Variants in FCRL1 observed in about 807,000 individuals in gnomAD.
The protein encoded by FCRL1 is Fc receptor-like protein 1.
Under a neutral mutation model 49.2 loss-of-function variants are expected in FCRL1, and 34 were observed. That is an observed-to-expected ratio of 0.69 (90% CI 0.53 to 0.92). The LOEUF (loss-of-function observed/expected upper bound fraction) is 0.92. Among genes scored for constraint, FCRL1 ranks in the 40% least tolerant of loss-of-function variants. The probability of loss-of-function intolerance (pLI) is 0.00; values close to 1 mark genes in which losing one functional copy is unlikely to be tolerated. For synonymous variants in FCRL1, 218 were observed against 201.6 expected, an observed-to-expected ratio of 1.08 and a Z score of -0.69; for missense variants, 524 against 524.1, an observed-to-expected ratio of 1.00 and a Z score of 0.00.
chr1:157,794,480 C>T lies in FCRL1; in HGVS notation c.*1619G>A, dbSNP rs1415075046. ...GTAATACACCCCACAAACTGATTTC[C>T]CAGACGTTGTTGGTGAAGATATAAA... is the stretch of plus-strand genomic sequence containing the variant. On this transcript the variant is annotated 3_prime_UTR_variant, in exon 11 of 11. Transcript: ENST00000368176. 1.3e-5 allele frequency: 2 copies of T among 152,058 alleles called. No homozygotes were observed. Among genetic ancestry groups the T allele is most frequent in the African/African-American group, 2.4e-5 (1 of 41,376 alleles). 9.4% of individuals were successfully genotyped at this position (152,058 alleles called of 1,614,324 possible).
At chr1:157,802,234 T>A (rs1652634284) in intron 4 of FCRL1, 41 bp from the exon 5 acceptor site, 1 of 1,591,584 alleles carries the variant, frequency 6.3e-7, no homozygotes, top group Non-Finnish European at 8.6e-7. Context: ...TCTCTGACAA[T>A]GCAGCAAACT....
intron 1 of FCRL1, among the ~76,000 whole-genome samples, chr1:157,817,418 C>T (rs552703347): frequency 1.3e-5 from 2 of 151,914 alleles, no homozygotes; most frequent in African/African-American, 4.8e-5. Flanking sequence ...TAAGAATACA[C>T]GATGTGGAAA....
At chr1:157,797,660 TC>T in intron 9 of FCRL1, 1 of 1,311,470 alleles carries the variant, frequency 7.6e-7, no homozygotes, top group Non-Finnish European at 1.1e-6. Context: ...TGACAGCCCA[TC>T]CCCAGGGGAA....
intron 7 of FCRL1, among the ~76,000 whole-genome samples, chr1:157,799,149 C>T (rs1008402265): frequency 6.6e-6 from 1 of 152,064 alleles, no homozygotes; most frequent in East Asian, 1.9e-4. Flanking sequence ...TACAGGCGTG[C>T]ATCACCACGT....
Position 157,811,118 on chromosome 1 carries a change from A to G in FCRL1, c.32-3996T>C, listed in dbSNP as rs936378646. The stretch of plus-strand genomic sequence containing the variant: ...ATAAAGGGAAACAGAAAACTTGTGT[A>G]GTAAATGGAAGCCATATTTCTATTA... On this transcript the variant is annotated intron_variant, in intron 1 of 10. Coordinates refer to ENST00000368176, the MANE Select transcript of FCRL1 (RefSeq NM_052938.5). Among the ~76,000 whole-genome samples, 5 of 152,310 alleles carry G rather than the reference A, an allele frequency of 3.3e-5. No individual in the cohort carries two copies. The East Asian group carries it at 7.7e-4, about 24-fold the overall frequency.
intron 1 of FCRL1, among the ~76,000 whole-genome samples, 194 bp downstream of exon 1, chr1:157,819,813 T>C (rs1655545545): frequency 6.6e-6 from 1 of 152,154 alleles, no homozygotes; most frequent in South Asian, 2.1e-4. Flanking sequence ...AATGATAGTT[T>C]TCTTGAAAAC....
rs1200050824 is a variant in FCRL1, at chr1:157,796,061, T to G, written c.*38A>C. On this transcript the variant is annotated 3_prime_UTR_variant, in exon 11 of 11. Coordinates refer to ENST00000368176, the MANE Select transcript of FCRL1 (RefSeq NM_052938.5). ...AACATATCAGGCCTGAGGCTTGGGG[T>G]CATGGATGGTTTTCAAAGAGCAGAA... 5 of 1,560,648 alleles carry G rather than the reference T, an allele frequency of 3.2e-6. No individual in the cohort carries two copies. Among genetic ancestry groups the G allele is most frequent in the East Asian group, 2.2e-5 (1 of 44,678 alleles).
At chr1:157,807,152 A>G in intron 1 of FCRL1, 30 bp from the exon 2 acceptor site, 1 of 1,605,974 alleles carries the variant, frequency 6.2e-7, no homozygotes, top group Non-Finnish European at 8.5e-7. Context: ...AGATCAGTAC[A>G]GAGCAGCAAA....
intron 4 of FCRL1, 86 bp downstream of exon 4, chr1:157,802,291 A>G: frequency 6.3e-7 from 1 of 1,577,916 alleles, no homozygotes; most frequent in Non-Finnish European, 8.6e-7. Context: ...CTTCCTCAGC[A>G]TGCCCCAGGG....
rs1323433660 is a variant in FCRL1 at position 157,796,188 on chromosome 1, G to T, written c.1219-18C>A. On this transcript the variant is annotated intron_variant, in intron 10 of 10. Transcript: ENST00000368176. ...AAGGAAACCTGGAAGCAAAGATTAGGACTAGAGCAGGGAAGACAAGCAGAA... is the reference window on the plus strand; with the variant it reads ...AAGGAAACCTGGAAGCAAAGATTAGTACTAGAGCAGGGAAGACAAGCAGAA... The T allele has an allele frequency of 6.2e-7, 1 of 1,609,496 alleles. No homozygotes were observed. Among genetic ancestry groups the T allele is most frequent in the Non-Finnish European group, 8.5e-7 (1 of 1,175,928 alleles).
intron 2 of FCRL1, among the ~76,000 whole-genome samples, chr1:157,806,480 G>T (rs1488216446): frequency 5.3e-5 from 8 of 152,136 alleles, no homozygotes; most frequent in African/African-American, 1.4e-4. Flanking sequence ...TCCTTCTTTG[G>T]TAAAGGTAAG....
chr1:157,813,802 G>C (rs2101898324), intron 1 of FCRL1, among the ~76,000 whole-genome samples: 1 of 152,270 alleles, frequency 6.6e-6, no homozygotes, highest in South Asian at 2.1e-4. Flanking sequence ...TAATCAAATT[G>C]TTAAAGGTCA....
chr1:157,798,341 G>T, intron 7 of FCRL1, 98 bp from the exon 8 acceptor site: 3 of 1,024,536 alleles, frequency 2.9e-6, no homozygotes, highest in Non-Finnish European at 4.3e-6. Context: ...ATTGTCCTGA[G>T]CAGAATACTA....
At chr1:157,802,928 T>G (rs1323967168) in intron 3 of FCRL1, among the ~76,000 whole-genome samples, 3 of 152,160 alleles carry the variant, frequency 2.0e-5, no homozygotes, top group African/African-American at 4.8e-5. Flanking sequence ...TCTCTCAAAC[T>G]TTCATTTTTT....
At chr1:157,809,603 C>G (rs1012234854) in intron 1 of FCRL1, among the ~76,000 whole-genome samples, 4 of 152,086 alleles carry the variant, frequency 2.6e-5, no homozygotes, top group African/African-American at 9.7e-5. Context: ...CATGTGCCAG[C>G]CACCACACCC....
intron 1 of FCRL1, 128 bp from the exon 2 acceptor site, chr1:157,807,250 T>A: frequency 1.2e-6 from 1 of 850,488 alleles, no homozygotes; most frequent in South Asian, 2.1e-5. Flanking sequence ...ATCTCTCTCT[T>A]CCTCCCTCTT....
At chr1:157,808,795 G>T (rs1195112882) in intron 1 of FCRL1, among the ~76,000 whole-genome samples, 1 of 152,172 alleles carries the variant, frequency 6.6e-6, no homozygotes, top group South Asian at 2.1e-4. Context: ...ATATGAAGTG[G>T]TCAGACTTTA....
chr1:157,809,936 A>G (rs975032422), intron 1 of FCRL1, among the ~76,000 whole-genome samples: 1 of 152,184 alleles, frequency 6.6e-6, no homozygotes, highest in Non-Finnish European at 1.5e-5. Flanking sequence ...AAAAAATTAA[A>G]TAATTTAGCA....
intron 1 of FCRL1, among the ~76,000 whole-genome samples, chr1:157,809,616 C>G (rs1169796062): frequency 6.6e-6 from 1 of 152,034 alleles, no homozygotes; most frequent in African/African-American, 2.4e-5. Flanking sequence ...CCACACCCAG[C>G]TAATTTTGTA....
Sources: gnomAD v4.1 joint callset for allele counts (sites outside exome capture counted in the v4.1 genomes callset) on GRCh38, gnomAD v4.1.1 for gene constraint, MANE v1.5 for transcripts, NCBI Gene and HGNC (gene_info 2026-07-23, HGNC 2026-07-21) for gene names.